The following AFAP1L2 variants were observed in gnomAD, a reference collection of about 807,000 sequenced individuals.
AFAP1L2 encodes actin filament-associated protein 1-like 2.
In AFAP1L2, 46 loss-of-function variants were observed where a neutral mutation model predicts 99.3. That is an observed-to-expected ratio of 0.46 (90% CI 0.37 to 0.59). AFAP1L2 has a LOEUF of 0.59. AFAP1L2 is among the 20% of genes least tolerant of loss of function. AFAP1L2 has a pLI of 0.00. For synonymous variants in AFAP1L2, 397 were observed against 419.1 expected, an observed-to-expected ratio of 0.95 and a Z score of 0.64; for missense variants, 959 against 1,034.9, an observed-to-expected ratio of 0.93 and a Z score of 1.01.
chr10:114,322,451 G>A (rs753886959), intron 5 of AFAP1L2, among the ~76,000 whole-genome samples: 4 of 152,092 alleles, frequency 2.6e-5, no homozygotes, highest in Non-Finnish European at 2.9e-5. Context: ...CTGCCTTGAC[G>A]CTTTTGCAGA....
At chr10:114,335,290 T>C (rs1282790645) in intron 2 of AFAP1L2, among the ~76,000 whole-genome samples, 1 of 152,074 alleles carries the variant, frequency 6.6e-6, no homozygotes, top group Non-Finnish European at 1.5e-5. Flanking sequence ...TTCACTACAA[T>C]ACTGCATGAT....
At chr10:114,327,829 G>C (rs766941088) in intron 4 of AFAP1L2, among the ~76,000 whole-genome samples, 1 of 152,254 alleles carries the variant, frequency 6.6e-6, no homozygotes, top group African/African-American at 2.4e-5. Flanking sequence ...GGGTGGCTCA[G>C]AGGACCCGAG....
chr10:114,352,616 A>G (rs1328382135), intron 1 of AFAP1L2, among the ~76,000 whole-genome samples: 2 of 152,226 alleles, frequency 1.3e-5, no homozygotes, highest in Non-Finnish European at 2.9e-5. Flanking sequence ...CCACCTTCAT[A>G]GAAACATACA....
At chr10:114,367,260 C>G (rs2053415588) in intron 1 of AFAP1L2, among the ~76,000 whole-genome samples, 1 of 152,196 alleles carries the variant, frequency 6.6e-6, no homozygotes, top group Admixed American at 6.5e-5. Flanking sequence ...CCTGTCTATA[C>G]CAGGGCAAAA....
chr10:114,304,333 A>C (rs903966835), intron 11 of AFAP1L2, among the ~76,000 whole-genome samples: 35 of 152,220 alleles, frequency 2.3e-4, no homozygotes, highest in Non-Finnish European at 2.9e-5. Flanking sequence ...TGTATCACAA[A>C]GCGAATTTTT....
Position 114,300,666 on chromosome 10 carries a change from G to C in AFAP1L2, c.1567C>G (p.Pro523Ala). Residue 523 changes from proline to alanine, a missense_variant, in exon 14 of 19, where the codon CCT (proline) becomes GCT (alanine). Pro to Ala is a conservative substitution (Grantham distance 27). Coordinates refer to ENST00000304129, the MANE Select transcript of AFAP1L2 (RefSeq NM_001001936.3). The stretch of plus-strand genomic sequence containing the variant: ...CTCTCATTTGGGTCATCTGCAACAG[G>C]GGTGGCTTCCTCGGTAGGCTCCACC... ...AAVEPTEEAT[P>A]VADDPNERES... is the part of the protein sequence containing the mutation. 2 of 1,603,382 alleles carry C rather than the reference G, an allele frequency of 1.2e-6. No homozygotes were observed. Among genetic ancestry groups the C allele is most frequent in the Non-Finnish European group, 1.7e-6 (2 of 1,174,006 alleles).
At chr10:114,359,983 G>A (rs1181900293) in intron 1 of AFAP1L2, among the ~76,000 whole-genome samples, 2 of 152,168 alleles carry the variant, frequency 1.3e-5, no homozygotes, top group African/African-American at 4.8e-5. Context: ...TTCCCACAAA[G>A]AGAGTGTGAT....
At chr10:114,292,708 G>A (rs12357853), downstream of AFAP1L2, among the ~76,000 whole-genome samples, 11,780 of 151,468 alleles carry the variant, frequency 0.078, 594 homozygotes, top group East Asian at 0.24. Context: ...ACACTTTATC[G>A]TTTTTCTTTT....
Position 114,331,831 on chromosome 10 carries a change from C to A in AFAP1L2, c.287G>T (p.Ser96Ile). The change falls in exon 4 of 19, where the codon AGC (serine) becomes ATC (isoleucine). Residue 96 changes from serine (S) to isoleucine (I), a missense_variant. Transcript: ENST00000304129. ...PSQHSSAPQK[S>I]LPDLPPPKMI... The stretch of plus-strand genomic sequence containing the variant: ...CTTGGGTGGCGGGAGGTCTGGAAGG[C>A]TCTTCTGAGGGGCCGAGGAGTGCTG... 2 of 1,394,944 alleles carry A rather than the reference C, an allele frequency of 1.4e-6. No homozygotes were observed. The highest frequency in any genetic ancestry group is 1.9e-6 in the Non-Finnish European group (2 of 1,065,932). 86.4% of individuals were successfully genotyped at this position (1,394,944 alleles called of 1,614,324 possible).
chr10:114,307,722 G>T, intron 10 of AFAP1L2, 83 bp downstream of exon 10: 1 of 1,168,660 alleles, frequency 8.6e-7, no homozygotes, highest in Non-Finnish European at 1.3e-6. Context: ...AAAACCCCCT[G>T]CCTTCGCTGT....
chr10:114,399,045 A>ACATATTCTCC, intron 1 of AFAP1L2: 1 of 584,930 alleles, frequency 1.7e-6, no homozygotes, highest in Non-Finnish European at 2.8e-6. Context: ...GAGCTAGAGC[A>ACATATTCTCC]CGGGAGAATA....
Position 114,301,374 on chromosome 10 carries a change from G to C in AFAP1L2, c.1522C>G (p.Leu508Val), listed in dbSNP as rs2041156909. ...CTTACCGCAGCTGTGAGCTCTGACA[G>C]GTCCACGTCGTCATACAGCTCCTCC... ...RQEELYDDVD[L>V]SELTAAVEPT... The change falls in exon 13 of 19, where the codon CTG (leucine) becomes GTG (valine). Residue 508 changes from leucine (L) to valine (V), a missense_variant. Coordinates refer to ENST00000304129, the MANE Select transcript of AFAP1L2 (RefSeq NM_001001936.3). The C allele has an allele frequency of 6.2e-7, 1 of 1,614,168 alleles. No homozygotes were observed. Among genetic ancestry groups the C allele is most frequent in the Non-Finnish European group, 8.5e-7 (1 of 1,179,976 alleles).
Position 114,323,233 on chromosome 10 carries a change from G to A in AFAP1L2, c.344C>T (p.Pro115Leu). 1 of 1,600,362 alleles carries A rather than the reference G, an allele frequency of 6.2e-7. No individual in the cohort carries two copies. Among genetic ancestry groups the A allele is most frequent in the Non-Finnish European group, 8.5e-7 (1 of 1,172,544 alleles). The stretch of plus-strand genomic sequence containing the variant: ...GTAGCCCTCTGGAGACTCCGTCTTT[G>A]GGATGGCAAGCTGTTTCCGTTCTGG... ...MIPERKQLAI[P>L]KTESPEGYYE... Residue 115 changes from proline to leucine, a missense_variant, in exon 5 of 19, where the codon CCA becomes CTA. Pro to Leu is a moderately conservative substitution (Grantham distance 98, BLOSUM62 -3). Transcript: ENST00000304129.
chr10:114,394,291 C>T (rs1331688099), intron 1 of AFAP1L2, among the ~76,000 whole-genome samples: 1 of 152,166 alleles, frequency 6.6e-6, no homozygotes, highest in Non-Finnish European at 1.5e-5. Context: ...TCCATTGAGG[C>T]CTGCACTTCT....
Position 114,323,189 on chromosome 10 carries a change from A to G in AFAP1L2, c.388T>C (p.Tyr130His), listed in dbSNP as rs760783774. 3 of 1,599,012 alleles carry G rather than the reference A, an allele frequency of 1.9e-6. No homozygotes were observed. Among genetic ancestry groups the G allele is most frequent in the African/African-American group, 1.3e-5 (1 of 74,678 alleles). Residue 130 changes from tyrosine (Y) to histidine (H), a missense_variant, in exon 5 of 19, where the codon TAT (tyrosine) becomes CAT (histidine). This residue lies in a region of AFAP1L2 where 383 missense variants were observed against 472.8 expected (regional missense o/e 0.81). Coordinates refer to ENST00000304129, the MANE Select transcript of AFAP1L2 (RefSeq NM_001001936.3). ...GATGTACCATTGAGGGATGTGTCAT[A>G]TGGCTCAGCCTCTTCATAGTAGCCC... The part of the protein sequence containing the change: ...PEGYYEEAEP[Y>H]DTSLNEDGEA...
chr10:114,302,338 CAA>C lies in AFAP1L2; in HGVS notation c.1429_1430del (p.Leu477ThrfsTer18). 2 of 1,614,140 alleles carry C rather than the reference CAA, an allele frequency of 1.2e-6. No individual in the cohort carries two copies. Among genetic ancestry groups the C allele is most frequent in the East Asian group, 2.2e-5 (1 of 44,874 alleles). ...CIVSAAKNSL[L>X]LMQRKFSEPN... is the part of the protein sequence containing the mutation. ...ACGGAGGAAGGGTCCAAATTACTCA[CAA>C]GAGAGAGTTTTTGGCCGCACTCACA... On this transcript the variant is annotated frameshift_variant and splice_region_variant, in exon 12 of 19. Transcript: ENST00000304129. LOFTEE classifies it high-confidence loss of function.
chr10:114,286,252 C>T, the AFAP1L2 span: 1 of 1,612,882 alleles, frequency 6.2e-7, no homozygotes, highest in Admixed American at 1.7e-5. Context: ...TCGGGAGCGC[C>T]ACCAGGACAG....
At chr10:114,362,711 C>T (rs2052614713) in intron 1 of AFAP1L2, among the ~76,000 whole-genome samples, 2 of 152,152 alleles carry the variant, frequency 1.3e-5, no homozygotes, top group South Asian at 4.2e-4. Context: ...CCCCCATCAA[C>T]TCACGGAGCT....
At chr10:114,379,691 T>C (rs1454328976) in intron 1 of AFAP1L2, among the ~76,000 whole-genome samples, 1 of 152,230 alleles carries the variant, frequency 6.6e-6, no homozygotes, top group African/African-American at 2.4e-5. Context: ...ATGTTCCGCA[T>C]GGGTTTACCC....
Sources: gnomAD v4.1 joint callset for allele counts (sites outside exome capture counted in the v4.1 genomes callset) on GRCh38, gnomAD v4.1.1 for gene constraint, gnomAD v4.1.1 regional missense constraint, MANE v1.5 for transcripts, NCBI Gene and HGNC (gene_info 2026-07-23, HGNC 2026-07-21) for gene names.